Variants in RBFOX1 observed in about 807,000 individuals in gnomAD.
RBFOX1 encodes RNA binding protein fox-1 homolog 1.
RBFOX1 carries 8 observed loss-of-function variants against 57.7 expected under a neutral mutation model. The observed-to-expected ratio is 0.14, with a 90% confidence interval of 0.08 to 0.25. The LOEUF is 0.25. Among genes scored for constraint, RBFOX1 ranks in the 10% least tolerant of loss-of-function variants. The pLI is 1.00. For synonymous variants in RBFOX1, 326 were observed against 222.4 expected, an observed-to-expected ratio of 1.47 and a Z score of -4.15; for missense variants, 611 against 548.5, an observed-to-expected ratio of 1.11 and a Z score of -1.14.
Position 7,567,593 on chromosome 16 carries a change from C to CTA in RBFOX1, c.271-12174_271-12173dup, listed in dbSNP as rs762421914. On this transcript the variant is annotated intron_variant, in intron 5 of 15. Transcript: ENST00000550418. Reference sequence around the variant, plus strand: ...TATATATATATCCCTATATATGGCCCTATATATATATCCCTTTATATGGCC... The same window carrying CTA: ...TATATATATATCCCTATATATGGCCCTATATATATATATCCCTTTATATGGCC... 2.8e-3 allele frequency among the ~76,000 whole-genome samples: 257 copies of CTA among 92,878 alleles called. 10 individuals are homozygous for CTA. Among genetic ancestry groups the CTA allele is most frequent in the African/African-American group, 9.2e-3 (237 of 25,712 alleles). 60.9% of individuals were successfully genotyped at this position (92,878 alleles called of 152,430 possible).
intron 1 of RBFOX1, among the ~76,000 whole-genome samples, chr16:5,425,774 C>G (rs1417702738): frequency 2.0e-5 from 3 of 152,184 alleles, no homozygotes; most frequent in African/African-American, 7.2e-5. Context: ...CCCACCTCTT[C>G]CAGATCACCT....
chr16:7,224,000 T>TAAGTAA (rs2092923760), intron 4 of RBFOX1, among the ~76,000 whole-genome samples: 1 of 151,880 alleles, frequency 6.6e-6, no homozygotes, highest in Non-Finnish European at 1.5e-5. Flanking sequence ...TATAAGTACA[T>TAAGTAA]AAGTAAAGTA....
intron 4 of RBFOX1, among the ~76,000 whole-genome samples, chr16:7,338,837 G>A (rs928990586): frequency 6.6e-6 from 1 of 152,176 alleles, no homozygotes; most frequent in African/African-American, 2.4e-5. Context: ...ACAACAGCTT[G>A]TTTGGCTCTG....
chr16:6,346,850 C>G (rs1418780640), intron 2 of RBFOX1, among the ~76,000 whole-genome samples: 3 of 152,038 alleles, frequency 2.0e-5, no homozygotes, highest in African/African-American at 7.2e-5. Context: ...AACCTCTTGA[C>G]AAGACAGAGT....
At chr16:7,343,092 G>A (rs1603625475) in intron 4 of RBFOX1, among the ~76,000 whole-genome samples, 2 of 152,122 alleles carry the variant, frequency 1.3e-5, no homozygotes, top group South Asian at 2.1e-4. Context: ...GCCTTCTGGG[G>A]ACAGACTCTT....
intron 1 of RBFOX1, among the ~76,000 whole-genome samples, chr16:5,242,366 G>A (rs1201241378): frequency 2.0e-5 from 3 of 152,148 alleles, no homozygotes; most frequent in African/African-American, 7.2e-5. Flanking sequence ...CATGGTGTCT[G>A]TATCTGCTCA....
chr16:6,240,116 C>G (rs2097532567), intron 1 of RBFOX1, among the ~76,000 whole-genome samples: 1 of 152,136 alleles, frequency 6.6e-6, no homozygotes. Flanking sequence ...ATGTAAGATG[C>G]CATGTCCTGC....
chr16:7,388,742 T>C (rs983207197), intron 4 of RBFOX1, among the ~76,000 whole-genome samples: 2 of 150,738 alleles, frequency 1.3e-5, no homozygotes, highest in Non-Finnish European at 1.5e-5. Context: ...CCACGAGATA[T>C]TCAATACTAT....
chr16:5,508,360 T>G (rs1019096664), intron 2 of RBFOX1, among the ~76,000 whole-genome samples: 4 of 152,164 alleles, frequency 2.6e-5, no homozygotes, highest in Admixed American at 2.0e-4. Flanking sequence ...CCCACTCCAA[T>G]GCGGCCACTT....
chr16:7,393,363 A>G (rs4360958), intron 4 of RBFOX1, among the ~76,000 whole-genome samples: 3,461 of 152,256 alleles, frequency 0.023, 68 homozygotes, highest in Non-Finnish European at 0.035. Context: ...CTGGATGTCA[A>G]TCCACAAGTT....
chr16:7,037,945 A>T (rs1243828547), intron 3 of RBFOX1, among the ~76,000 whole-genome samples: 1 of 152,216 alleles, frequency 6.6e-6, no homozygotes, highest in Non-Finnish European at 1.5e-5. Context: ...CTTCTGATAA[A>T]ATTATTATTA....
At chr16:5,750,662 G>C (rs1245890589) in intron 3 of RBFOX1, among the ~76,000 whole-genome samples, 1 of 152,202 alleles carries the variant, frequency 6.6e-6, no homozygotes, top group Admixed American at 6.5e-5. Context: ...GGGACCCTCT[G>C]AGCCAGGCAT....
At chr16:7,083,726 G>C (rs986547972) in intron 4 of RBFOX1, among the ~76,000 whole-genome samples, 1 of 152,106 alleles carries the variant, frequency 6.6e-6, no homozygotes, top group Non-Finnish European at 1.5e-5. Flanking sequence ...CCTTTTCCTA[G>C]AGATGGGCAA....
upstream of RBFOX1, among the ~76,000 whole-genome samples, chr16:6,015,745 G>A (rs1460236216): frequency 6.6e-6 from 1 of 152,144 alleles, no homozygotes; most frequent in East Asian, 1.9e-4. Flanking sequence ...ATTTAGACAC[G>A]ATCTTCTCTA....
chr16:6,620,694 T>C (rs1261731005), intron 2 of RBFOX1, among the ~76,000 whole-genome samples: 1 of 151,840 alleles, frequency 6.6e-6, no homozygotes, highest in African/African-American at 2.4e-5. Context: ...CCCACAGAAA[T>C]ACAAACAACC....
intron 4 of RBFOX1, among the ~76,000 whole-genome samples, chr16:7,216,743 C>T (rs916568126): frequency 6.6e-6 from 1 of 152,068 alleles, no homozygotes; most frequent in East Asian, 1.9e-4. Flanking sequence ...ACTCCAGAAG[C>T]CTGAGCTATT....
intron 6 of RBFOX1, among the ~76,000 whole-genome samples, chr16:7,580,703 A>G (rs926602879): frequency 5.9e-5 from 9 of 152,144 alleles, no homozygotes; most frequent in African/African-American, 1.2e-4. Flanking sequence ...TATCTTCACT[A>G]TCCACTTTGG....
intron 2 of RBFOX1, among the ~76,000 whole-genome samples, chr16:6,605,176 C>G (rs778035467): frequency 6.6e-6 from 1 of 152,066 alleles, no homozygotes; most frequent in Non-Finnish European, 1.5e-5. Flanking sequence ...GAGCTCAAGG[C>G]TACAGTGAGA....
chr16:7,496,385 C>T (rs186873303), intron 4 of RBFOX1, among the ~76,000 whole-genome samples: 4 of 152,248 alleles, frequency 2.6e-5, no homozygotes, highest in Admixed American at 2.0e-4. Context: ...TCAAGTGATC[C>T]ACCTGCCTTG....
Sources: gnomAD v4.1 joint callset for allele counts (sites outside exome capture counted in the v4.1 genomes callset) on GRCh38, gnomAD v4.1.1 for gene constraint, MANE v1.5 for transcripts, NCBI Gene and HGNC (gene_info 2026-07-23, HGNC 2026-07-21) for gene names.